Variants in ROBO1 observed in about 807,000 individuals in gnomAD.
The protein encoded by ROBO1 is roundabout guidance receptor 1, also known as roundabout homolog 1.
ROBO1 carries 149 observed loss-of-function variants against 195.9 expected under a neutral mutation model. The ratio of observed to expected loss-of-function variants is 0.76; its 90% CI spans 0.67 to 0.87. ROBO1 has a LOEUF of 0.87. Ranked by LOEUF, ROBO1 falls within the 40% of genes least tolerant of loss-of-function variation. The pLI is 0.00. For synonymous variants in ROBO1, 816 were observed against 733.2 expected (o/e 1.11, Z -1.82); for missense variants, 1,933 against 2,068.3 (o/e 0.93, Z 1.27).
At chr3:79,405,535 G>C (rs1427832167) in intron 2 of ROBO1, among the ~76,000 whole-genome samples, 2 of 151,938 alleles carry the variant, frequency 1.3e-5, no homozygotes, top group Non-Finnish European at 2.9e-5. Context: ...AGTGTATCTT[G>C]GTTACTAATC....
Position 78,639,898 on chromosome 3 carries a change from C to A in ROBO1, c.2883G>T (p.Arg961Ser). The change falls in exon 22 of 31, where the codon AGG becomes AGT. Residue 961 changes from arginine (R) to serine (S), a missense_variant and splice_region_variant. Around this residue, in one of 3 missense-constraint regions of ROBO1, gnomAD observed 1,737 missense variants for 1,882.5 expected, o/e 0.92. Coordinates refer to ENST00000464233, the MANE Select transcript of ROBO1 (RefSeq NM_002941.4). ...RGGEAVSSGG[R>S]PGLLNISEPA... ...GTTCACTGATGTTGAGAAGTCCAGG[C>A]CTAAATAAAAAAAAAATATTAAAGC... 1.9e-6 allele frequency: 3 copies of A among 1,541,234 alleles called. No individual in the cohort carries two copies. The highest frequency in any genetic ancestry group is 2.6e-6 in the Non-Finnish European group (3 of 1,143,824).
chr3:79,168,192 CGGA>C (rs1050664929), intron 2 of ROBO1, among the ~76,000 whole-genome samples: 1 of 152,026 alleles, frequency 6.6e-6, no homozygotes, highest in African/African-American at 2.4e-5. Context: ...ATTGCGTATT[CGGA>C]GAAGAGCCAA....
rs865891813 is a variant in ROBO1 at position 79,757,464 on chromosome 3, A to G, written c.-51+10288T>C. ...CAGCCCCAATTTTTTATTCTTGTCA[A>G]TACTTGCTCTCTCTTTCTTTCTTTC... On this transcript the variant is annotated intron_variant, in intron 1 of 30. Transcript: ENST00000464233. Among the ~76,000 whole-genome samples, 10 of 150,426 alleles carry G rather than the reference A, an allele frequency of 6.6e-5. No homozygotes were observed. In the Middle Eastern group the frequency reaches 0.014, roughly 205 times the overall value.
chr3:78,866,046 C>T (rs183437816), intron 4 of ROBO1, among the ~76,000 whole-genome samples: 52 of 152,188 alleles, frequency 3.4e-4, no homozygotes, highest in Non-Finnish European at 1.9e-4. Context: ...AAAGATATTT[C>T]TTGGAAAATC....
At chr3:78,608,933 A>G (rs1422384240) in intron 28 of ROBO1, among the ~76,000 whole-genome samples, 1 of 152,198 alleles carries the variant, frequency 6.6e-6, no homozygotes, top group African/African-American at 2.4e-5. Flanking sequence ...CAGTTTTAAA[A>G]AAGTGAATAG....
chr3:78,999,986 T>G (rs1302788216), intron 3 of ROBO1, among the ~76,000 whole-genome samples: 2 of 152,140 alleles, frequency 1.3e-5, no homozygotes, highest in Non-Finnish European at 2.9e-5. Context: ...TGGGTGTGTG[T>G]TCATCATATT....
intron 3 of ROBO1, among the ~76,000 whole-genome samples, chr3:78,993,507 T>C (rs1165037762): frequency 1.3e-5 from 2 of 152,146 alleles, no homozygotes; most frequent in African/African-American, 4.8e-5. Flanking sequence ...ATATATGTAG[T>C]TGAACCCAGT....
chr3:78,750,128 A>T (rs1266037457), intron 4 of ROBO1, among the ~76,000 whole-genome samples: 3 of 152,130 alleles, frequency 2.0e-5, no homozygotes, highest in Admixed American at 6.5e-5. Context: ...TTCATTAAAT[A>T]TTTGAATCCT....
Position 79,193,629 on chromosome 3 carries a change from A to C in ROBO1, c.89-68090T>G, listed in dbSNP as rs1559726059. 3.0e-5 allele frequency among the ~76,000 whole-genome samples: 4 copies of C among 133,102 alleles called. No homozygotes were observed. In the South Asian group the frequency reaches 9.1e-4, roughly 30 times the overall value. The allele number at this position is 133,102 out of a possible 152,430, so 87.3% of individuals were successfully genotyped here. On this transcript the variant is annotated intron_variant, in intron 2 of 30. Coordinates refer to ENST00000464233, the MANE Select transcript of ROBO1 (RefSeq NM_002941.4). ...TGTATCAGAAAAGTAGAAATCGGTC[A>C]GTAAGTAATAAAAAGCAGAAATTAT...
At chr3:78,941,175 T>C (rs1449596596) in intron 3 of ROBO1, among the ~76,000 whole-genome samples, 2 of 152,204 alleles carry the variant, frequency 1.3e-5, no homozygotes, top group Non-Finnish European at 2.9e-5. Flanking sequence ...ATGCCAATAG[T>C]TGTATAATCT....
intron 8 of ROBO1, among the ~76,000 whole-genome samples, chr3:78,707,777 G>A (rs2081588524): frequency 6.6e-6 from 1 of 152,088 alleles, no homozygotes; most frequent in East Asian, 1.9e-4. Context: ...AGTATAGTGG[G>A]GTGTGAACTG....
rs143613870 is a variant in ROBO1, at chr3:79,573,038, A to C, written c.88+16786T>G. On this transcript the variant is annotated intron_variant, in intron 2 of 30. Transcript: ENST00000464233. Reference sequence around the variant, plus strand: ...TCAAATCCTGGCTCTGCTCATTTTTAAAATATAAATAATACACATGTATTT... The same window carrying C: ...TCAAATCCTGGCTCTGCTCATTTTTCAAATATAAATAATACACATGTATTT... Among the ~76,000 whole-genome samples, 7 of 152,210 alleles carry C rather than the reference A, an allele frequency of 4.6e-5. No individual in the cohort carries two copies. In the East Asian group the frequency reaches 1.4e-3, roughly 29 times the overall value.
At chr3:78,981,035 A>G (rs1162283217) in intron 3 of ROBO1, among the ~76,000 whole-genome samples, 1 of 152,204 alleles carries the variant, frequency 6.6e-6, no homozygotes, top group African/African-American at 2.4e-5. Flanking sequence ...TAATAGTTTC[A>G]GCAAGATATG....
chr3:79,675,574 C>G (rs1402761067), intron 1 of ROBO1, among the ~76,000 whole-genome samples: 3 of 151,934 alleles, frequency 2.0e-5, no homozygotes, highest in Non-Finnish European at 2.9e-5. Flanking sequence ...AAGAGAAATA[C>G]CAAGGTGATC....
chr3:79,565,254 A>ATT (rs1276898312), intron 2 of ROBO1, among the ~76,000 whole-genome samples: 2 of 151,928 alleles, frequency 1.3e-5, no homozygotes, highest in African/African-American at 4.8e-5. Flanking sequence ...AGTCTTAACC[A>ATT]TCAGACAGAA....
At chr3:79,223,485 T>C (rs1427938325) in intron 2 of ROBO1, among the ~76,000 whole-genome samples, 2 of 152,106 alleles carry the variant, frequency 1.3e-5, no homozygotes, top group African/African-American at 2.4e-5. Flanking sequence ...ATCCATCTCC[T>C]GATACTCGAG....
chr3:79,157,798 T>C (rs1488415048), intron 2 of ROBO1, among the ~76,000 whole-genome samples: 1 of 151,902 alleles, frequency 6.6e-6, no homozygotes, highest in Non-Finnish European at 1.5e-5. Flanking sequence ...CTGCCAGTTG[T>C]GGAACTCCTT....
intron 4 of ROBO1, among the ~76,000 whole-genome samples, chr3:78,812,058 T>A (rs2108631577): frequency 6.6e-6 from 1 of 152,218 alleles, no homozygotes; most frequent in Middle Eastern, 3.4e-3. Context: ...TGCTTGGAAG[T>A]GAACATTCTT....
intron 3 of ROBO1, among the ~76,000 whole-genome samples, chr3:79,088,671 G>A (rs1007435650): frequency 2.0e-5 from 3 of 152,056 alleles, no homozygotes; most frequent in Non-Finnish European, 2.9e-5. Flanking sequence ...TAAGACTAGT[G>A]ATATTTAATG....
Sources: gnomAD v4.1 joint callset for allele counts (sites outside exome capture counted in the v4.1 genomes callset) on GRCh38, gnomAD v4.1.1 for gene constraint, gnomAD v4.1.1 regional missense constraint, MANE v1.5 for transcripts, NCBI Gene and HGNC (gene_info 2026-07-23, HGNC 2026-07-21) for gene names.